The following ACYP2 variants were observed in gnomAD, a reference collection of about 807,000 sequenced individuals.
The protein encoded by ACYP2 is acylphosphatase-2.
A neutral mutation model predicts 11.2 loss-of-function variants in ACYP2; 12 were observed. The ratio of observed to expected loss-of-function variants is 1.08; its 90% CI spans 0.69 to 1.74. ACYP2 has a LOEUF of 1.74. Among genes scored for constraint, ACYP2 ranks in the 40% most tolerant of loss-of-function variants. The pLI is 0.00. For synonymous variants in ACYP2, 43 were observed against 32.2 expected, an observed-to-expected ratio of 1.33 and a Z score of -1.13; for missense variants, 134 against 101.9, an observed-to-expected ratio of 1.31 and a Z score of -1.35.
intron 2 of ACYP2, among the ~76,000 whole-genome samples, chr2:54,044,381 G>A (rs1675404190): frequency 6.6e-6 from 1 of 151,874 alleles, no homozygotes; most frequent in African/African-American, 2.4e-5. Flanking sequence ...GATCACTTGG[G>A]ACGAGGAGTT....
chr2:54,291,255 G>A (rs1346975198), intron 6 of ACYP2, among the ~76,000 whole-genome samples: 1 of 152,192 alleles, frequency 6.6e-6, no homozygotes, highest in African/African-American at 2.4e-5. Context: ...CTCTGGTCAT[G>A]CCTTCTACAT....
intron 6 of ACYP2, among the ~76,000 whole-genome samples, chr2:54,165,484 GTGTC>G (rs1190144802): frequency 2.0e-4 from 31 of 151,288 alleles, no homozygotes; most frequent in Non-Finnish European, 3.5e-4. Context: ...CTCTGTGTGT[GTGTC>G]TGTCTCTCTC....
intron 4 of ACYP2, chr2:54,115,302 T>C (rs1558538292): frequency 6.4e-6 from 3 of 466,520 alleles, no homozygotes; most frequent in Non-Finnish European, 1.1e-5. Flanking sequence ...CCAACTTTTA[T>C]TTGTCAATTA....
At chr2:54,195,246 C>T (rs1684412081) in intron 6 of ACYP2, among the ~76,000 whole-genome samples, 1 of 152,164 alleles carries the variant, frequency 6.6e-6, no homozygotes, top group African/African-American at 2.4e-5. Flanking sequence ...CAGTCACAAA[C>T]CAATTTACCT....
intron 6 of ACYP2, among the ~76,000 whole-genome samples, chr2:54,266,935 T>C (rs1040724066): frequency 6.6e-6 from 1 of 152,060 alleles, no homozygotes; most frequent in Non-Finnish European, 1.5e-5. Flanking sequence ...AATTTGCAGA[T>C]GGACACATAG....
intron 2 of ACYP2, among the ~76,000 whole-genome samples, chr2:54,027,274 C>A (rs1280631891): frequency 2.6e-5 from 4 of 152,164 alleles, no homozygotes; most frequent in African/African-American, 9.7e-5. Context: ...ATTGCCTTCA[C>A]CCTTTTTCTC....
At chr2:54,097,516 A>G (rs1678655157) in intron 4 of ACYP2, among the ~76,000 whole-genome samples, 2 of 152,238 alleles carry the variant, frequency 1.3e-5, no homozygotes, top group South Asian at 2.1e-4. Flanking sequence ...ACAACAGTGT[A>G]TTATTTTGGA....
intron 4 of ACYP2, among the ~76,000 whole-genome samples, chr2:54,059,271 T>G (rs1676343001): frequency 6.6e-6 from 1 of 152,002 alleles, no homozygotes; most frequent in African/African-American, 2.4e-5. Context: ...CGGGCTGGAG[T>G]GCAATGGCTC....
intron 6 of ACYP2, among the ~76,000 whole-genome samples, chr2:54,287,309 A>C (rs767669229): frequency 1.3e-5 from 2 of 151,984 alleles, no homozygotes; most frequent in Non-Finnish European, 2.9e-5. Flanking sequence ...CCTTTTTATA[A>C]GTGGCTAATC....
chr2:53,973,915 T>A (rs1177325399), intron 2 of ACYP2: 2,346 of 154,676 alleles, frequency 0.015, 89 homozygotes, highest in South Asian at 0.032. Flanking sequence ...ATATTTTTTT[T>A]TTTTTTTTTT....
chr2:54,158,748 G>C (rs945382788), intron 6 of ACYP2, among the ~76,000 whole-genome samples: 2 of 152,118 alleles, frequency 1.3e-5, no homozygotes, highest in Non-Finnish European at 2.9e-5. Context: ...AGGCCTCGTG[G>C]CTGAGGAAGT....
At chr2:54,117,576 G>A (rs931627633) in intron 4 of ACYP2, among the ~76,000 whole-genome samples, 1 of 152,218 alleles carries the variant, frequency 6.6e-6, no homozygotes, top group African/African-American at 2.4e-5. Flanking sequence ...TTACAGGCGT[G>A]AGCCACTGCA....
intron 2 of ACYP2, among the ~76,000 whole-genome samples, chr2:54,003,105 T>C (rs1043299161): frequency 1.3e-5 from 2 of 151,044 alleles, no homozygotes; most frequent in Non-Finnish European, 1.5e-5. Context: ...TGCGCCATCA[T>C]GCACAGCTAA....
chr2:54,172,088 G>A (rs1683243474), intron 6 of ACYP2, among the ~76,000 whole-genome samples: 1 of 152,062 alleles, frequency 6.6e-6, no homozygotes, highest in South Asian at 2.1e-4. Flanking sequence ...ATGGTGGGAT[G>A]TGTCTGTAGT....
At chr2:54,070,548 A>G (rs1006573896) in intron 4 of ACYP2, among the ~76,000 whole-genome samples, 7 of 152,236 alleles carry the variant, frequency 4.6e-5, no homozygotes, top group Admixed American at 1.3e-4. Context: ...TCTTTTATGA[A>G]TCCTCAACCC....
At chr2:53,992,650 G>C (rs776951490) in intron 2 of ACYP2, among the ~76,000 whole-genome samples, 1 of 151,980 alleles carries the variant, frequency 6.6e-6, no homozygotes, top group African/African-American at 2.4e-5. Flanking sequence ...GGCCAACATG[G>C]TGAAACCCCG....
intron 6 of ACYP2, among the ~76,000 whole-genome samples, chr2:54,264,150 T>G (rs1387151327): frequency 6.6e-6 from 1 of 151,868 alleles, no homozygotes; most frequent in Non-Finnish European, 1.5e-5. Context: ...GGGTCCGGAG[T>G]TTCTTCCTTC....
At chr2:54,109,112 C>T (rs570877426) in intron 4 of ACYP2, among the ~76,000 whole-genome samples, 1 of 152,112 alleles carries the variant, frequency 6.6e-6, no homozygotes, top group Admixed American at 6.6e-5. Context: ...AAATTATATG[C>T]CCACAATTCA....
chr2:54,219,905 ATTTTT>A (rs1169547989), intron 6 of ACYP2, among the ~76,000 whole-genome samples: 25 of 75,986 alleles, frequency 3.3e-4, no homozygotes, highest in African/African-American at 1.3e-3. Flanking sequence ...ATATATATAT[ATTTTT>A]TTTTTTTTTT....
Sources: gnomAD v4.1 joint callset for allele counts (sites outside exome capture counted in the v4.1 genomes callset) on GRCh38, gnomAD v4.1.1 for gene constraint, MANE v1.5 for transcripts, NCBI Gene and HGNC (gene_info 2026-07-23, HGNC 2026-07-21) for gene names.